Variants in SCP2 observed in about 807,000 individuals in gnomAD.
The protein encoded by SCP2 is sterol carrier protein 2.
A neutral mutation model predicts 71.4 loss-of-function variants in SCP2; 48 were observed. The ratio of observed to expected loss-of-function variants is 0.67; its 90% CI spans 0.53 to 0.86. SCP2 has a LOEUF of 0.86. SCP2 is among the 40% of genes least tolerant of loss of function. The pLI is 0.00. For synonymous variants in SCP2, 220 were observed against 218.1 expected (o/e 1.01, Z -0.08); for missense variants, 560 against 655.6 (o/e 0.85, Z 1.59).
At chr1:52,998,718 C>G (rs11206065) in intron 11 of SCP2, among the ~76,000 whole-genome samples, 48,131 of 152,120 alleles carry the variant, frequency 0.32, 12,731 homozygotes, top group African/African-American at 0.72. Flanking sequence ...AAAATCAGTG[C>G]AGATTGCCAA....
chr1:52,932,706 T>G (rs1391081696), intron 1 of SCP2, among the ~76,000 whole-genome samples: 2 of 152,170 alleles, frequency 1.3e-5, no homozygotes, highest in African/African-American at 2.4e-5. Context: ...GAGTTGGAGT[T>G]AGGCACATAA....
chr1:53,028,321 T>A (rs1662280601), intron 13 of SCP2, among the ~76,000 whole-genome samples: 1 of 152,220 alleles, frequency 6.6e-6, no homozygotes, highest in Admixed American at 6.5e-5. Flanking sequence ...TGTCACTCTT[T>A]TCTAGGTCCT....
Position 53,051,569 on chromosome 1 carries a change from G to A in SCP2, c.*865G>A, listed in dbSNP as rs947804080. 1 of 152,016 alleles carries A rather than the reference G, an allele frequency of 6.6e-6. No individual in the cohort carries two copies. The highest frequency in any genetic ancestry group is 6.6e-5 in the Admixed American group (1 of 15,254). The allele number at this position is 152,016 out of a possible 1,614,324, so 9.4% of individuals were successfully genotyped here. A position where few individuals can be genotyped will look rare whatever the true frequency, so the allele number is the denominator to read the frequency against. ...GAGATATAGGATAAAATAATGCTTTGAGAAGAATGTTTAATAGAAAATTAA... is the reference window on the plus strand; with the variant it reads ...GAGATATAGGATAAAATAATGCTTTAAGAAGAATGTTTAATAGAAAATTAA... On this transcript the variant is annotated 3_prime_UTR_variant, in exon 16 of 16. Transcript: ENST00000371514.
intron 12 of SCP2, among the ~76,000 whole-genome samples, chr1:53,019,696 G>A (rs1159473981): frequency 6.6e-6 from 1 of 152,042 alleles, no homozygotes; most frequent in Non-Finnish European, 1.5e-5. Flanking sequence ...GCACACACAA[G>A]CATTACTTTA....
chr1:52,931,470 A>G (rs1220027068), intron 1 of SCP2, among the ~76,000 whole-genome samples: 2 of 152,234 alleles, frequency 1.3e-5, no homozygotes, highest in Non-Finnish European at 2.9e-5. Flanking sequence ...GAGGCTCTAG[A>G]ATCATCTGAG....
intron 6 of SCP2, among the ~76,000 whole-genome samples, chr1:52,966,300 T>C (rs1344629139): frequency 6.6e-6 from 1 of 152,026 alleles, no homozygotes; most frequent in Non-Finnish European, 1.5e-5. Context: ...CTTGAGTTTT[T>C]TTTTTTCCAG....
intron 14 of SCP2, among the ~76,000 whole-genome samples, chr1:53,041,849 G>A (rs1663461109): frequency 6.6e-6 from 1 of 152,188 alleles, no homozygotes; most frequent in Non-Finnish European, 1.5e-5. Flanking sequence ...GTTACCTCTA[G>A]TAAGAAGGGG....
chr1:52,980,629 T>C, intron 10 of SCP2, 86 bp downstream of exon 10: 2 of 1,330,884 alleles, frequency 1.5e-6, no homozygotes, highest in South Asian at 2.4e-5. Context: ...AATTCACTAT[T>C]CACTTTTCCC....
intron 12 of SCP2, among the ~76,000 whole-genome samples, chr1:53,017,905 A>C (rs576993593): frequency 8.5e-5 from 13 of 152,314 alleles, no homozygotes; most frequent in African/African-American, 3.1e-4. Flanking sequence ...CCCAGGCTGC[A>C]GTGCAATGGC....
rs191546835 is a variant in SCP2 at position 52,998,399 on chromosome 1, C to T, written c.1081+10263C>T. On this transcript the variant is annotated intron_variant, in intron 11 of 15. Transcript: ENST00000371514. ...TTGCTTGAAGCCAGGAATTTGAGAC[C>T]GGCCTGGGCAGCAAAGCAAGACTTT... Among the ~76,000 whole-genome samples the T allele has an allele frequency of 2.5e-3, 375 of 152,140 alleles. 1 individual carries two copies. The highest frequency in any genetic ancestry group is 0.017 in the Middle Eastern group (5 of 294).
rs557446558 is a variant in SCP2, at chr1:53,013,064, A to T, written c.1082-1826A>T. Among the ~76,000 whole-genome samples, 3 of 147,484 alleles carry T rather than the reference A, an allele frequency of 2.0e-5. No homozygotes were observed. The South Asian group carries it at 6.4e-4, about 32-fold the overall frequency. On this transcript the variant is annotated intron_variant, in intron 11 of 15. Coordinates refer to ENST00000371514, the MANE Select transcript of SCP2 (RefSeq NM_002979.5). ...TTTGACCTTCCTCATTAATTTCTAAATTGTTCACAATTCAAAAAGTTATTA... is the reference window on the plus strand; with the variant it reads ...TTTGACCTTCCTCATTAATTTCTAATTTGTTCACAATTCAAAAAGTTATTA...
intron 1 of SCP2, chr1:52,934,915 T>A (rs1445470059): frequency 1.3e-5 from 2 of 149,118 alleles, no homozygotes; most frequent in African/African-American, 4.9e-5. Flanking sequence ...TCCGCCCGTC[T>A]CGGCCTCCCA....
At chr1:53,005,436 A>C (rs1660571931) in intron 11 of SCP2, among the ~76,000 whole-genome samples, 1 of 152,168 alleles carries the variant, frequency 6.6e-6, no homozygotes, top group African/African-American at 2.4e-5. Flanking sequence ...CAAGGGAAGG[A>C]TCAGGCAGCA....
chr1:52,962,443 C>A (rs1213231017), intron 6 of SCP2, among the ~76,000 whole-genome samples: 1 of 152,070 alleles, frequency 6.6e-6, no homozygotes, highest in Non-Finnish European at 1.5e-5. Context: ...ACTTTATAGC[C>A]AGAGCCATGC....
At chr1:52,983,347 A>C (rs116498929) in intron 10 of SCP2, among the ~76,000 whole-genome samples, 2,765 of 152,280 alleles carry the variant, frequency 0.018, 85 homozygotes, top group African/African-American at 0.063. Context: ...TAAGTCTGAA[A>C]ATGCAAAACT....
chr1:53,010,576 AAT>A (rs147285662), intron 11 of SCP2, among the ~76,000 whole-genome samples: 12,806 of 152,132 alleles, frequency 0.084, 686 homozygotes, highest in Middle Eastern at 0.19. Flanking sequence ...GGAATTGAAC[AAT>A]GAGAACACTT....
At position 53,033,368 on chromosome 1, in the gene SCP2, C is replaced by T. The variant is rs142620867; in HGVS notation, c.1338+5297C>T. 2.1e-3 allele frequency among the ~76,000 whole-genome samples: 320 copies of T among 152,122 alleles called. 6 individuals carry two copies. The East Asian group carries it at 0.051, about 24-fold the overall frequency. ...CTGTAATCCCAGCACTTTGGAAGGC[C>T]GAGGTGGGTGGATCACTTGAGGCCA... is the stretch of plus-strand genomic sequence containing the variant. On this transcript the variant is annotated intron_variant, in intron 13 of 15. Coordinates refer to ENST00000371514, the MANE Select transcript of SCP2 (RefSeq NM_002979.5).
At chr1:53,030,925 A>G (rs1475307393) in intron 13 of SCP2, among the ~76,000 whole-genome samples, 2 of 151,672 alleles carry the variant, frequency 1.3e-5, no homozygotes, top group Non-Finnish European at 2.9e-5. Flanking sequence ...AAAAAAAAAA[A>G]AAAAGGCTTT....
chr1:52,982,236 A>T (rs1658570305), intron 10 of SCP2, among the ~76,000 whole-genome samples: 1 of 152,086 alleles, frequency 6.6e-6, no homozygotes, highest in Non-Finnish European at 1.5e-5. Flanking sequence ...ACAACCATAA[A>T]ATGTCTTCAA....
Sources: gnomAD v4.1 joint callset for allele counts (sites outside exome capture counted in the v4.1 genomes callset) on GRCh38, gnomAD v4.1.1 for gene constraint, MANE v1.5 for transcripts, NCBI Gene and HGNC (gene_info 2026-07-23, HGNC 2026-07-21) for gene names.